ADK: variants seen among roughly 807,000 people sequenced by gnomAD.
ADK encodes the protein adenosine kinase, also known as N6,N6-dimethyladenosine kinase.
In ADK, 24 loss-of-function variants were observed where a neutral mutation model predicts 44.7. That is an observed-to-expected ratio of 0.54 (90% CI 0.39 to 0.76). The LOEUF is 0.76. ADK is among the 30% of genes least tolerant of loss of function. The pLI, the probability that ADK is intolerant of heterozygous loss-of-function variation, is 0.00. For missense variants in ADK, 321 were observed against 425.1 expected, an observed-to-expected ratio of 0.76 and a Z score of 2.15; for synonymous variants, 128 against 142.6, an observed-to-expected ratio of 0.90 and a Z score of 0.73.
At chr10:74,178,492 G>A (rs551074120) in intron 1 of ADK, among the ~76,000 whole-genome samples, 1 of 152,196 alleles carries the variant, frequency 6.6e-6, no homozygotes, top group African/African-American at 2.4e-5. Flanking sequence ...TAGGTGTAGG[G>A]GTCAAATACT....
intron 2 of ADK, among the ~76,000 whole-genome samples, chr10:74,220,038 A>C (rs923307227): frequency 6.6e-6 from 1 of 151,684 alleles, no homozygotes; most frequent in African/African-American, 2.4e-5. Context: ...ACTGAAGGAA[A>C]TAGAGACACA....
intron 10 of ADK, among the ~76,000 whole-genome samples, chr10:74,680,334 T>C (rs1362345319): frequency 7.4e-6 from 1 of 134,978 alleles, no homozygotes; most frequent in Non-Finnish European, 1.6e-5. Context: ...AAAAAAAAAA[T>C]GATGAGTACA....
intron 6 of ADK, among the ~76,000 whole-genome samples, chr10:74,410,454 A>C (rs2132946434): frequency 6.6e-6 from 1 of 152,228 alleles, no homozygotes; most frequent in South Asian, 2.1e-4. Flanking sequence ...TGGGTGGATC[A>C]CCTAAGATCA....
At chr10:74,676,978 C>A (rs1317761230) in intron 10 of ADK, among the ~76,000 whole-genome samples, 1 of 152,212 alleles carries the variant, frequency 6.6e-6, no homozygotes, top group South Asian at 2.1e-4. Flanking sequence ...GGAGCAGTGG[C>A]TCACACCTGT....
chr10:74,424,277 G>T (rs1172287009), intron 6 of ADK, among the ~76,000 whole-genome samples: 1 of 152,074 alleles, frequency 6.6e-6, no homozygotes, highest in Non-Finnish European at 1.5e-5. Context: ...GGTGGCTCAT[G>T]CCTGTAATCC....
chr10:74,445,151 T>G (rs1236909585), intron 6 of ADK, among the ~76,000 whole-genome samples: 2 of 151,962 alleles, frequency 1.3e-5, no homozygotes, highest in Non-Finnish European at 2.9e-5. Context: ...CAAAAAAAAT[T>G]TTCTCGCCCT....
chr10:74,443,168 A>G (rs1450346811), intron 6 of ADK, among the ~76,000 whole-genome samples: 4 of 152,174 alleles, frequency 2.6e-5, no homozygotes, highest in Non-Finnish European at 4.4e-5. Flanking sequence ...TAAGTCTTCT[A>G]CCACACACAA....
intron 7 of ADK, among the ~76,000 whole-genome samples, chr10:74,586,566 T>G (rs1180830935): frequency 6.6e-6 from 1 of 152,134 alleles, no homozygotes; most frequent in Non-Finnish European, 1.5e-5. Flanking sequence ...AAAAATAATT[T>G]TTTTGGGCTG....
intron 3 of ADK, among the ~76,000 whole-genome samples, chr10:74,310,950 G>A (rs189418346): frequency 1.3e-5 from 2 of 151,184 alleles, no homozygotes; most frequent in African/African-American, 4.9e-5. Context: ...ATTCAGCTTT[G>A]TTCTATATAT....
At chr10:74,313,117 T>C (rs1840501212) in intron 3 of ADK, among the ~76,000 whole-genome samples, 1 of 152,054 alleles carries the variant, frequency 6.6e-6, no homozygotes, top group Non-Finnish European at 1.5e-5. Context: ...TTTTTATTGA[T>C]TGACTTTATG....
intron 3 of ADK, among the ~76,000 whole-genome samples, chr10:74,265,498 G>A (rs11000942): frequency 0.16 from 24,230 of 152,136 alleles, 2,239 homozygotes; most frequent in African/African-American, 0.25. Flanking sequence ...GATTACAGGC[G>A]TGAGCCACCG....
At chr10:74,426,757 G>A (rs940398998) in intron 6 of ADK, among the ~76,000 whole-genome samples, 1 of 152,048 alleles carries the variant, frequency 6.6e-6, no homozygotes, top group Non-Finnish European at 1.5e-5. Context: ...ACCTAAAATT[G>A]TAAACAAACA....
chr10:74,597,347 C>T (rs909850290), intron 8 of ADK, among the ~76,000 whole-genome samples: 5 of 152,178 alleles, frequency 3.3e-5, no homozygotes, highest in Non-Finnish European at 5.9e-5. Context: ...TAACATCTTA[C>T]ATAACCAAAG....
chr10:74,384,325 T>G (rs1252235033), intron 4 of ADK, among the ~76,000 whole-genome samples: 1 of 151,736 alleles, frequency 6.6e-6, no homozygotes, highest in Non-Finnish European at 1.5e-5. Flanking sequence ...TACAATTAAG[T>G]GGAATTAATT....
intron 6 of ADK, among the ~76,000 whole-genome samples, chr10:74,511,211 A>G (rs1409392934): frequency 1.3e-5 from 2 of 152,018 alleles, no homozygotes; most frequent in African/African-American, 2.4e-5. Flanking sequence ...ATGCCTTTCC[A>G]TTGGTCTATA....
At chr10:74,328,366 G>A (rs1323157761) in intron 4 of ADK, among the ~76,000 whole-genome samples, 2 of 143,854 alleles carry the variant, frequency 1.4e-5, no homozygotes, top group Non-Finnish European at 3.1e-5. Context: ...AGGCCGAATA[G>A]CCACTTCCCA....
intron 4 of ADK, among the ~76,000 whole-genome samples, chr10:74,350,337 A>C (rs2131901942): frequency 6.6e-6 from 1 of 152,366 alleles, no homozygotes; most frequent in African/African-American, 2.4e-5. Flanking sequence ...AATGAAATTA[A>C]GGCAGAAATA....
At chr10:74,517,711 A>C (rs148879909) in intron 6 of ADK, among the ~76,000 whole-genome samples, 172 of 152,058 alleles carry the variant, frequency 1.1e-3, no homozygotes, top group African/African-American at 3.6e-3. Flanking sequence ...AAAAGAGTAA[A>C]AGATATGCAG....
chr10:74,392,278 A>G (rs1843362072), intron 4 of ADK, among the ~76,000 whole-genome samples: 1 of 152,214 alleles, frequency 6.6e-6, no homozygotes, highest in African/African-American at 2.4e-5. Flanking sequence ...CATTTCCACC[A>G]ACACTGCACA....
Sources: gnomAD v4.1 joint callset for allele counts (sites outside exome capture counted in the v4.1 genomes callset) on GRCh38, gnomAD v4.1.1 for gene constraint, MANE v1.5 for transcripts, NCBI Gene and HGNC (gene_info 2026-07-23, HGNC 2026-07-21) for gene names.